The following ALX1 variants were observed in gnomAD, a reference collection of about 807,000 sequenced individuals.
ALX1 encodes the protein ALX homeobox protein 1.
A neutral mutation model predicts 31.7 loss-of-function variants in ALX1; 19 were observed. The ratio of observed to expected loss-of-function variants is 0.60; its 90% confidence interval spans 0.42 to 0.88. ALX1 has a LOEUF of 0.88. Among genes scored for constraint, ALX1 ranks in the 40% least tolerant of loss-of-function variants. The pLI is 0.00. For missense variants in ALX1, 415 were observed against 407.8 expected (o/e 1.02, Z -0.15); for synonymous variants, 153 against 148.8 (o/e 1.03, Z -0.20).
At chr12:85,292,215 G>T (rs995835701) in intron 3 of ALX1, among the ~76,000 whole-genome samples, 2 of 150,910 alleles carry the variant, frequency 1.3e-5, no homozygotes, top group African/African-American at 4.8e-5. Context: ...TTACTATGTA[G>T]GGATCTAGGG....
In ALX1 at chr12:85,301,348, T is replaced by C. The variant is rs1231472422; in HGVS notation, c.854T>C (p.Leu285Pro). ...VPLNNFFTDS[L>P]LTGATNGHAF... Reference sequence around the variant, plus strand: ...CTCAACAATTTTTTCACTGACTCTCTTCTTACTGGGGCAACCAATGGACAT... The same window carrying C: ...CTCAACAATTTTTTCACTGACTCTCCTCTTACTGGGGCAACCAATGGACAT... Residue 285 changes from leucine (L) to proline (P), a missense_variant, in exon 4 of 4, where the codon CTT (leucine) becomes CCT (proline). This residue lies in a region of ALX1 where 174 missense variants were observed against 177.5 expected (regional missense o/e 0.98). Transcript: ENST00000316824. 2 of 1,613,970 alleles carry C rather than the reference T, an allele frequency of 1.2e-6. No individual in the cohort carries two copies. The highest frequency in any genetic ancestry group is 2.7e-5 in the African/African-American group (2 of 74,900).
chr12:85,283,708 T>C lies in ALX1; in HGVS notation c.363T>C (p.Asp121=), dbSNP rs1009543477. Residue 121 remains aspartate (D), a synonymous_variant, in exon 2 of 4, where the codon GAT becomes GAC. Coordinates refer to ENST00000316824, the MANE Select transcript of ALX1 (RefSeq NM_006982.3). ...QEKGELDELG[D]KCDSNVSSSK... Reference sequence around the variant, plus strand: ...AGGGAGAGCTGGATGAACTTGGGGATAAATGTGATAGCAATGTATCCAGCA... The same window carrying C: ...AGGGAGAGCTGGATGAACTTGGGGACAAATGTGATAGCAATGTATCCAGCA... 5.6e-6 allele frequency: 9 copies of C among 1,613,950 alleles called. No individual in the cohort carries two copies. In the African/African-American group the frequency reaches 1.2e-4, roughly 22 times the overall value.
chr12:85,280,329 G>A lies in ALX1; in HGVS notation c.68G>A (p.Gly23Asp). The stretch of plus-strand genomic sequence containing the variant: ...AGTAAAAACAGTGACTTTTACATGG[G>A]CGCAGGAGGTCCTCTGGAGCACGTT... ...PPSKNSDFYM[G>D]AGGPLEHVME... The change falls in exon 1 of 4, where the codon GGC (glycine) becomes GAC (aspartate). Residue 23 changes from glycine (G) to aspartate (D), a missense_variant. Physicochemically the swap from Gly to Asp is moderately conservative, Grantham distance 94. Coordinates refer to ENST00000316824, the MANE Select transcript of ALX1 (RefSeq NM_006982.3). 1 of 1,613,894 alleles carries A rather than the reference G, an allele frequency of 6.2e-7. No individual in the cohort carries two copies. The highest frequency in any genetic ancestry group is 8.5e-7 in the Non-Finnish European group (1 of 1,180,044).
intron 3 of ALX1, among the ~76,000 whole-genome samples, chr12:85,289,101 C>A (rs1002972810): frequency 1.3e-5 from 2 of 151,106 alleles, no homozygotes; most frequent in Non-Finnish European, 3.0e-5. Flanking sequence ...CCTTTCAAAC[C>A]CCATTTCTGT....
chr12:85,301,574 C>G lies in ALX1; in HGVS notation c.*99C>G. 7.8e-7 allele frequency: 1 copy of G among 1,284,644 alleles called. No individual in the cohort carries two copies. Among genetic ancestry groups the G allele is most frequent in the Non-Finnish European group, 1.1e-6 (1 of 906,178 alleles). 79.6% of individuals were successfully genotyped at this position (1,284,644 alleles called of 1,614,324 possible). On this transcript the variant is annotated 3_prime_UTR_variant, in exon 4 of 4. Coordinates refer to ENST00000316824, the MANE Select transcript of ALX1 (RefSeq NM_006982.3). ...CAATAAGCTGCTGTGTGTGGAATTG[C>G]TAAAGGTCAAGATATTCAGTGAGAC...
At chr12:85,298,810 C>T (rs963338988) in intron 3 of ALX1, among the ~76,000 whole-genome samples, 6 of 151,704 alleles carry the variant, frequency 4.0e-5, no homozygotes, top group Admixed American at 3.3e-4. Flanking sequence ...ATGCATATAA[C>T]GTGCTTGATC....
chr12:85,300,402 G>GT (rs2137395514), intron 3 of ALX1, among the ~76,000 whole-genome samples: 1 of 151,896 alleles, frequency 6.6e-6, no homozygotes, highest in South Asian at 2.1e-4. Flanking sequence ...CTCATCTGAT[G>GT]TTTTTGCTAA....
intron 3 of ALX1, among the ~76,000 whole-genome samples, chr12:85,287,675 TTC>T (rs1189173394): frequency 6.6e-6 from 1 of 151,594 alleles, no homozygotes; most frequent in African/African-American, 2.4e-5. Context: ...GACTATATAT[TTC>T]TTTTTCATAT....
At chr12:85,290,573 C>T (rs1021227457) in intron 3 of ALX1, among the ~76,000 whole-genome samples, 5 of 151,066 alleles carry the variant, frequency 3.3e-5, no homozygotes, top group Non-Finnish European at 5.9e-5. Context: ...AAGTGAGAGA[C>T]GTGATGTTCA....
In ALX1 at chr12:85,280,395, C is replaced by T. The variant is rs986158806; in HGVS notation, c.134C>T (p.Ser45Phe). 6.2e-7 allele frequency: 1 copy of T among 1,613,836 alleles called. No individual in the cohort carries two copies. The highest frequency in any genetic ancestry group is 8.5e-7 in the Non-Finnish European group (1 of 1,180,052). Residue 45 changes from serine (S) to phenylalanine (F), a missense_variant, in exon 1 of 4, where the codon TCT becomes TTT. Ser to Phe is a radical substitution (Grantham distance 155). Transcript: ENST00000316824. ...AATGAGTCCTTTTACAGCAAAGCGT[C>T]TGCAGGCAAATGCGTGCAGGCCTTC... is the stretch of plus-strand genomic sequence containing the variant. ...LDNESFYSKA[S>F]AGKCVQAFGP...
In ALX1 at chr12:85,292,654, C is replaced by T. The variant is rs149392978; in HGVS notation, c.660+5673C>T. ...TTCTATTTGAAATATTGTAATTATACAATTAAAAAATGAAATTTTAAGGTT... is the reference window on the plus strand; with the variant it reads ...TTCTATTTGAAATATTGTAATTATATAATTAAAAAATGAAATTTTAAGGTT... On this transcript the variant is annotated intron_variant, in intron 3 of 3. Coordinates refer to ENST00000316824, the MANE Select transcript of ALX1 (RefSeq NM_006982.3). 7.8e-3 allele frequency among the ~76,000 whole-genome samples: 1,184 copies of T among 151,036 alleles called. 20 individuals carry two copies. The highest frequency in any genetic ancestry group is 0.027 in the African/African-American group (1,117 of 41,396).
chr12:85,283,861 T>A lies in ALX1; in HGVS notation c.516T>A (p.Thr172=), dbSNP rs373644921. 3.1e-6 allele frequency: 5 copies of A among 1,613,822 alleles called. No individual in the cohort carries two copies. The African/African-American group carries it at 4.0e-5, about 13-fold the overall frequency. The part of the protein sequence containing the change: ...REQLALRTEL[T]EARVQVWFQN... ...AGCTTGCTCTGAGGACAGAGCTCACTGAGGCCAGGGTCCAGGTAGGAGCCA... is the reference window on the plus strand; with the variant it reads ...AGCTTGCTCTGAGGACAGAGCTCACAGAGGCCAGGGTCCAGGTAGGAGCCA... The change falls in exon 2 of 4, where the codon ACT becomes ACA. Residue 172 remains threonine, a synonymous_variant. Coordinates refer to ENST00000316824, the MANE Select transcript of ALX1 (RefSeq NM_006982.3).
chr12:85,282,459 C>G (rs765451276), intron 1 of ALX1, among the ~76,000 whole-genome samples: 2 of 151,122 alleles, frequency 1.3e-5, no homozygotes, highest in East Asian at 1.9e-4. Flanking sequence ...AAGTTATATG[C>G]GCATTAAACT....
Position 85,301,195 on chromosome 12 carries a change from C to G in ALX1, c.701C>G (p.Ser234Cys), listed in dbSNP as rs770893179. 9 of 1,613,878 alleles carry G rather than the reference C, an allele frequency of 5.6e-6. No homozygotes were observed. Among genetic ancestry groups the G allele is most frequent in the Admixed American group, 1.7e-5 (1 of 59,962 alleles). ...TGGGCAGGAAATGCAAGTGGTGGTT[C>G]TGTGGTTACTTCATGCATGTTACCA... ...NLWAGNASGGSVVTSCMLPRD... is the reference protein window; with the variant it reads ...NLWAGNASGGCVVTSCMLPRD... Residue 234 changes from serine (S) to cysteine (C), a missense_variant, in exon 4 of 4, where the codon TCT (serine) becomes TGT (cysteine). Physicochemically the swap from Ser to Cys is moderately radical, Grantham distance 112. Transcript: ENST00000316824.
chr12:85,297,263 G>A (rs1409180401), intron 3 of ALX1, among the ~76,000 whole-genome samples: 2 of 151,582 alleles, frequency 1.3e-5, no homozygotes, highest in Non-Finnish European at 3.0e-5. Flanking sequence ...TGATATTCTG[G>A]TGTAAATGCT....
At chr12:85,284,525 G>A (rs771938567) in intron 2 of ALX1, among the ~76,000 whole-genome samples, 2 of 151,928 alleles carry the variant, frequency 1.3e-5, no homozygotes, top group Non-Finnish European at 2.9e-5. Flanking sequence ...ATTTTGCATA[G>A]GCAATAAAAA....
Position 85,286,976 on chromosome 12 carries a change from C to G in ALX1, c.655C>G (p.Pro219Ala), listed in dbSNP as rs1280316639. 1 of 1,611,748 alleles carries G rather than the reference C, an allele frequency of 6.2e-7. No homozygotes were observed. The highest frequency in any genetic ancestry group is 8.5e-7 in the Non-Finnish European group (1 of 1,178,412). The change falls in exon 3 of 4, where the codon CCA (proline) becomes GCA (alanine). Residue 219 changes from proline (P) to alanine (A), a missense_variant. This residue lies in a region of ALX1 where 174 missense variants were observed against 177.5 expected (regional missense o/e 0.98). Transcript: ENST00000316824. ...ISVLPRTDSY[P>A]QIQNNLWAGN... Reference sequence around the variant, plus strand: ...AGTTTTGCCAAGGACTGACAGCTACCCACAGGTATGCTAAACTACACAGAA... The same window carrying G: ...AGTTTTGCCAAGGACTGACAGCTACGCACAGGTATGCTAAACTACACAGAA...
At chr12:85,285,711 A>G (rs527333513) in intron 2 of ALX1, among the ~76,000 whole-genome samples, 3 of 152,134 alleles carry the variant, frequency 2.0e-5, no homozygotes, top group African/African-American at 7.2e-5. Context: ...AAACTTCAAC[A>G]AAAGGCTTTT....
chr12:85,294,268 T>G (rs1364554105), intron 3 of ALX1, among the ~76,000 whole-genome samples: 1 of 151,134 alleles, frequency 6.6e-6, no homozygotes, highest in East Asian at 1.9e-4. Context: ...GATAATTTCA[T>G]CACTAAAATG....
Sources: allele counts gnomAD v4.1 joint callset (sites outside exome capture counted in the v4.1 genomes callset), GRCh38; gene constraint gnomAD v4.1.1; regional missense constraint gnomAD v4.1.1; transcripts MANE v1.5; gene names NCBI Gene and HGNC (gene_info 2026-07-23, HGNC 2026-07-21).